FMNL2: variants seen among roughly 807,000 people sequenced by gnomAD.
FMNL2 encodes the protein formin-like protein 2.
FMNL2 carries 51 observed loss-of-function variants against 130.2 expected under a neutral mutation model. The observed-to-expected ratio is 0.39, with a 90% CI of 0.31 to 0.49. The LOEUF (loss-of-function observed/expected upper bound fraction) is 0.49, where lower values mean the gene tolerates loss of function less well. FMNL2 is among the 20% of genes least tolerant of loss of function. FMNL2 has a pLI of 0.85. For missense variants in FMNL2, 977 were observed against 1,316.2 expected, an observed-to-expected ratio of 0.74 and a Z score of 3.99; for synonymous variants, 465 against 467.1, an observed-to-expected ratio of 1.00 and a Z score of 0.06.
At chr2:152,412,461 T>TA (rs1378228812) in intron 1 of FMNL2, among the ~76,000 whole-genome samples, 215 of 8,784 alleles carry the variant, frequency 0.024, no homozygotes, top group Non-Finnish European at 0.055. Context: ...TATATATATA[T>TA]ATATATATAT....
At chr2:152,462,200 A>G (rs1283085722) in intron 1 of FMNL2, among the ~76,000 whole-genome samples, 2 of 152,200 alleles carry the variant, frequency 1.3e-5, no homozygotes, top group Non-Finnish European at 2.9e-5. Flanking sequence ...TGTGGCAAGT[A>G]CAACTAGGAA....
At chr2:152,426,782 A>G (rs958397752) in intron 1 of FMNL2, among the ~76,000 whole-genome samples, 8 of 152,198 alleles carry the variant, frequency 5.3e-5, no homozygotes, top group South Asian at 4.1e-4. Context: ...GCCTATTCCT[A>G]TTGTCAACTT....
rs761768377 is a variant in FMNL2, at chr2:152,549,100, A to G, written c.359+3A>G. 2 of 1,596,590 alleles carry G rather than the reference A, an allele frequency of 1.3e-6. No homozygotes were observed. Among genetic ancestry groups the G allele is most frequent in the Admixed American group, 1.7e-5 (1 of 58,030 alleles). ...TCTTTGAGAACTAACCACATTGGGTAAGTATACCCCTTTAACATCTTAGCT... is the reference window on the plus strand; with the variant it reads ...TCTTTGAGAACTAACCACATTGGGTGAGTATACCCCTTTAACATCTTAGCT... On this transcript the variant is annotated splice_donor_region_variant and intron_variant, in intron 4 of 25. Transcript: ENST00000288670.
At chr2:152,394,153 A>G (rs1685271631) in intron 1 of FMNL2, among the ~76,000 whole-genome samples, 1 of 152,202 alleles carries the variant, frequency 6.6e-6, no homozygotes, top group Non-Finnish European at 1.5e-5. Context: ...ACAACATCAA[A>G]TTTTAAATTT....
intron 10 of FMNL2, among the ~76,000 whole-genome samples, chr2:152,608,508 T>C (rs760436460): frequency 1.3e-5 from 2 of 149,390 alleles, no homozygotes; most frequent in Non-Finnish European, 3.0e-5. Flanking sequence ...TATTTGCTTT[T>C]CAAAGTGTGT....
At chr2:152,602,132 C>T (rs1004604695) in intron 9 of FMNL2, among the ~76,000 whole-genome samples, 4 of 152,158 alleles carry the variant, frequency 2.6e-5, no homozygotes, top group Non-Finnish European at 4.4e-5. Context: ...TAGCCCTTTA[C>T]CCCCATCAGT....
At chr2:152,631,752 G>A (rs143246193) in intron 20 of FMNL2, among the ~76,000 whole-genome samples, 2 of 152,310 alleles carry the variant, frequency 1.3e-5, no homozygotes, top group African/African-American at 4.8e-5. Context: ...GGAAAGCTGC[G>A]AATCATTCTT....
chr2:152,413,159 A>G (rs1686415920), intron 1 of FMNL2, among the ~76,000 whole-genome samples: 1 of 152,206 alleles, frequency 6.6e-6, no homozygotes, highest in African/African-American at 2.4e-5. Context: ...GGCAACAGAC[A>G]CTAGGACACT....
At chr2:152,448,301 A>G (rs1688460800) in intron 1 of FMNL2, among the ~76,000 whole-genome samples, 1 of 151,912 alleles carries the variant, frequency 6.6e-6, no homozygotes, top group South Asian at 2.1e-4. Flanking sequence ...AAATTTTTGG[A>G]TAAAAGTATT....
chr2:152,416,221 A>C (rs984957546), intron 1 of FMNL2, among the ~76,000 whole-genome samples: 2 of 152,198 alleles, frequency 1.3e-5, no homozygotes, highest in Non-Finnish European at 2.9e-5. Context: ...AAGTCTTCTC[A>C]TCTTACCAGG....
intron 6 of FMNL2, among the ~76,000 whole-genome samples, chr2:152,567,503 G>A (rs1695920172): frequency 6.6e-6 from 1 of 152,098 alleles, no homozygotes; most frequent in African/African-American, 2.4e-5. Flanking sequence ...AGCTGTTTCA[G>A]CTCTATTTCT....
At position 152,637,652 on chromosome 2, in the gene FMNL2, T is replaced by A; in HGVS notation, c.2924T>A (p.Val975Asp). The A allele has an allele frequency of 6.2e-7, 1 of 1,613,962 alleles. No individual in the cohort carries two copies. The highest frequency in any genetic ancestry group is 8.5e-7 in the Non-Finnish European group (1 of 1,179,844). The part of the protein sequence containing the change: ...TPPSVFFPVF[V>D]RFVKAYKQAE... ...CCCTCTGTCTTCTTTCCTGTCTTTG[T>A]CCGGTTTGTGAAAGCATATAAGGTA... Residue 975 changes from valine (V) to aspartate (D), a missense_variant, in exon 23 of 26, where the codon GTC becomes GAC. By Grantham distance (152) the Val-to-Asp change is radical. Transcript: ENST00000288670.
chr2:152,620,821 C>A, intron 15 of FMNL2: 1 of 652,150 alleles, frequency 1.5e-6, no homozygotes, highest in Non-Finnish European at 1.9e-6. Context: ...CACTCCACAT[C>A]AAATCCATGG....
chr2:152,617,263 C>T lies in FMNL2; in HGVS notation c.1314+71C>T, dbSNP rs527923634. The T allele has an allele frequency of 2.2e-4, 292 of 1,330,186 alleles. 4 individuals are homozygous for T. The South Asian group carries it at 3.3e-3, about 15-fold the overall frequency. 82.4% of individuals were successfully genotyped at this position (1,330,186 alleles called of 1,614,324 possible). A position where few individuals can be genotyped will look rare whatever the true frequency, so the allele number is the denominator to read the frequency against. On this transcript the variant is annotated intron_variant, in intron 13 of 25. Transcript: ENST00000288670. ...GTACTCCAGCTTTCGTCCAGTGGAA[C>T]GCAGAGTACCTTCATTTCAGAGGAA...
intron 3 of FMNL2, among the ~76,000 whole-genome samples, chr2:152,546,969 G>T (rs1694680493): frequency 7.3e-6 from 1 of 136,240 alleles, no homozygotes. Flanking sequence ...TTTTTGAGAT[G>T]GAGTCTCGCT....
intron 2 of FMNL2, among the ~76,000 whole-genome samples, chr2:152,536,731 T>A (rs1333889143): frequency 6.6e-6 from 1 of 152,206 alleles, no homozygotes; most frequent in Non-Finnish European, 1.5e-5. Flanking sequence ...GTGTGTGCCC[T>A]GAGAGCCATT....
chr2:152,384,144 A>G (rs1318123470), intron 1 of FMNL2, among the ~76,000 whole-genome samples: 1 of 152,168 alleles, frequency 6.6e-6, no homozygotes, highest in Admixed American at 6.5e-5. Flanking sequence ...CAAAGTAGGC[A>G]TTTTATCTTT....
rs908528089 is a variant in FMNL2, at chr2:152,335,657, C to T, written c.54C>T (p.Asn18=). The T allele has an allele frequency of 1.3e-6, 2 of 1,594,288 alleles. No individual in the cohort carries two copies. Among genetic ancestry groups the T allele is most frequent in the Non-Finnish European group, 8.5e-7 (1 of 1,170,242 alleles). The change falls in exon 1 of 26, where the codon AAC becomes AAT. Residue 18 remains asparagine, a synonymous_variant. Coordinates refer to ENST00000288670, the MANE Select transcript of FMNL2 (RefSeq NM_052905.4). The part of the protein sequence containing the change: ...DSQQTDFRAH[N]VPLKLPMPEP... ...AGCAGACCGATTTCAGGGCGCACAA[C>T]GTGCCTTTGAAGCTGCCGATGCCAG... is the stretch of plus-strand genomic sequence containing the variant.
chr2:152,610,873 A>G (rs905402955), intron 10 of FMNL2, among the ~76,000 whole-genome samples: 13 of 152,174 alleles, frequency 8.5e-5, no homozygotes, highest in African/African-American at 3.1e-4. Context: ...CACTTTTTAA[A>G]GTGGCCACCC....
Sources: allele counts gnomAD v4.1 joint callset (sites outside exome capture counted in the v4.1 genomes callset), GRCh38; gene constraint gnomAD v4.1.1; transcripts MANE v1.5; gene names NCBI Gene and HGNC (gene_info 2026-07-23, HGNC 2026-07-21).